Variants in UBE2V2 observed in about 807,000 individuals in gnomAD.
UBE2V2 encodes the protein ubiquitin-conjugating enzyme E2 variant 2.
A neutral mutation model predicts 17.2 loss-of-function variants in UBE2V2; 9 were observed. That is an observed-to-expected ratio of 0.52 (90% confidence interval 0.32 to 0.91). UBE2V2 has a LOEUF of 0.91. UBE2V2 is among the 40% of genes least tolerant of loss of function. The pLI is 0.04. For synonymous variants in UBE2V2, 61 were observed against 57.5 expected (o/e 1.06, Z -0.28); for missense variants, 133 against 182.6 (o/e 0.73, Z 1.56).
chr8:48,006,516 T>C (rs932058344), upstream of UBE2V2, among the ~76,000 whole-genome samples: 1 of 152,114 alleles, frequency 6.6e-6, no homozygotes, highest in East Asian at 1.9e-4. Context: ...ATACCCCTGA[T>C]GAACATTGAT....
At chr8:48,025,202 G>T (rs2091332778) in intron 1 of UBE2V2, among the ~76,000 whole-genome samples, 1 of 151,996 alleles carries the variant, frequency 6.6e-6, no homozygotes, top group Non-Finnish European at 1.5e-5. Flanking sequence ...CTCCCAAAGT[G>T]CTGGGATTAC....
chr8:48,059,234 C>T (rs1056615707), intron 3 of UBE2V2, among the ~76,000 whole-genome samples: 2 of 151,930 alleles, frequency 1.3e-5, no homozygotes, highest in Non-Finnish European at 2.9e-5. Flanking sequence ...CATTCCCAGC[C>T]TGTATATAGT....
intron 1 of UBE2V2, among the ~76,000 whole-genome samples, chr8:48,039,032 G>T (rs145983641): frequency 6.6e-6 from 1 of 150,690 alleles, no homozygotes; most frequent in Non-Finnish European, 1.5e-5. Context: ...GGGTTCATGC[G>T]ATTCTCCTGC....
chr8:48,002,296 G>A, the UBE2V2 span, among the ~76,000 whole-genome samples: 3 of 152,088 alleles, frequency 2.0e-5, no homozygotes, highest in Non-Finnish European at 2.9e-5. Flanking sequence ...TCCATCAGTG[G>A]ATGAATGGAT....
chr8:48,060,938 T>G lies in UBE2V2; in HGVS notation c.*110T>G. ...CATTAAGTAAAAGAATTCCAGCTGG[T>G]AAACATGACCTGGACATTTGTAAGA... On this transcript the variant is annotated 3_prime_UTR_variant, in exon 4 of 4. Coordinates refer to ENST00000523111, the MANE Select transcript of UBE2V2 (RefSeq NM_003350.3). The G allele has an allele frequency of 3.0e-6, 3 of 1,004,904 alleles. No homozygotes were observed. Among genetic ancestry groups the G allele is most frequent in the Non-Finnish European group, 4.0e-6 (3 of 751,106 alleles). The allele number at this position is 1,004,904 out of a possible 1,614,324, so 62.2% of individuals were successfully genotyped here. A position where few individuals can be genotyped will look rare whatever the true frequency, so the allele number is the denominator to read the frequency against.
intron 3 of UBE2V2, among the ~76,000 whole-genome samples, chr8:48,054,239 T>C (rs572569454): frequency 6.6e-6 from 1 of 152,356 alleles, no homozygotes; most frequent in East Asian, 1.9e-4. Context: ...CCCCTTTCCA[T>C]GGACACACCT....
chr8:48,021,541 C>T (rs1164708975), intron 1 of UBE2V2, among the ~76,000 whole-genome samples: 1 of 152,032 alleles, frequency 6.6e-6, no homozygotes, highest in East Asian at 1.9e-4. Flanking sequence ...CTCCTGACCT[C>T]GTGATCTGCC....
chr8:48,058,927 G>T (rs1802539828), intron 3 of UBE2V2, among the ~76,000 whole-genome samples: 2 of 151,860 alleles, frequency 1.3e-5, no homozygotes, highest in African/African-American at 4.8e-5. Flanking sequence ...TTTGTTTGGA[G>T]ATGGAGTCTT....
upstream of UBE2V2, among the ~76,000 whole-genome samples, chr8:48,005,181 CT>C (rs2091176026): frequency 6.6e-6 from 1 of 152,032 alleles, no homozygotes; most frequent in Admixed American, 6.6e-5. Flanking sequence ...CCCCCAACCC[CT>C]GACAGGCCCC....
intron 1 of UBE2V2, among the ~76,000 whole-genome samples, chr8:48,035,444 A>G (rs942871486): frequency 6.6e-6 from 1 of 151,714 alleles, no homozygotes; most frequent in Non-Finnish European, 1.5e-5. Context: ...TCTACTGATA[A>G]AACAGGTAGG....
intron 1 of UBE2V2, among the ~76,000 whole-genome samples, chr8:48,031,655 A>G (rs116301609): frequency 0.011 from 1,730 of 152,028 alleles, 43 homozygotes; most frequent in African/African-American, 0.039. Flanking sequence ...TTTGACTTGA[A>G]TTTGTTTTTT....
At chr8:48,021,344 T>C (rs915500945) in intron 1 of UBE2V2, among the ~76,000 whole-genome samples, 2 of 148,934 alleles carry the variant, frequency 1.3e-5, no homozygotes, top group African/African-American at 5.0e-5. Flanking sequence ...TCTCGCTCTG[T>C]CGCCCACGCT....
At chr8:48,012,529 A>G (rs1370816816) in intron 1 of UBE2V2, among the ~76,000 whole-genome samples, 1 of 152,008 alleles carries the variant, frequency 6.6e-6, no homozygotes, top group African/African-American at 2.4e-5. Flanking sequence ...GACCAGCTGG[A>G]CCAACATGGA....
intron 3 of UBE2V2, among the ~76,000 whole-genome samples, chr8:48,060,359 T>C (rs1423695449): frequency 6.6e-6 from 1 of 152,038 alleles, no homozygotes; most frequent in Non-Finnish European, 1.5e-5. Context: ...GGCGGTGGCA[T>C]TGGAAATGGA....
intron 3 of UBE2V2, among the ~76,000 whole-genome samples, chr8:48,051,889 C>T (rs371684878): frequency 1.6e-4 from 25 of 152,290 alleles, no homozygotes; most frequent in Non-Finnish European, 2.6e-4. Context: ...CACCCCCCCA[C>T]CCCTGTGCCA....
At chr8:48,021,786 C>T (rs2091307418) in intron 1 of UBE2V2, among the ~76,000 whole-genome samples, 1 of 151,432 alleles carries the variant, frequency 6.6e-6, no homozygotes, top group East Asian at 1.9e-4. Context: ...CTCCTGGGTT[C>T]GAGCAATTCT....
chr8:48,015,859 C>T (rs537802943), intron 1 of UBE2V2, among the ~76,000 whole-genome samples: 3 of 150,330 alleles, frequency 2.0e-5, no homozygotes, highest in East Asian at 1.9e-4. Flanking sequence ...CCACTGTATA[C>T]GTATACCACA....
chr8:48,034,953 G>A, intron 1 of UBE2V2: 1 of 924,002 alleles, frequency 1.1e-6, no homozygotes, highest in Non-Finnish European at 1.3e-6. Context: ...CTCTCCAGGT[G>A]GCCAGTTAGG....
At chr8:48,035,902 T>C (rs1372925173) in intron 1 of UBE2V2, among the ~76,000 whole-genome samples, 1 of 150,842 alleles carries the variant, frequency 6.6e-6, no homozygotes, top group African/African-American at 2.4e-5. Context: ...AAAAAAAAAT[T>C]GGAAGTTGTA....
Sources: allele counts gnomAD v4.1 joint callset (sites outside exome capture counted in the v4.1 genomes callset), GRCh38; gene constraint gnomAD v4.1.1; transcripts MANE v1.5; gene names NCBI Gene and HGNC (gene_info 2026-07-23, HGNC 2026-07-21).